Variants in INTS4 observed in about 807,000 individuals in gnomAD.
INTS4 encodes the protein integrator complex subunit 4, also known as MSTP093.
INTS4 carries 70 observed loss-of-function variants against 119.5 expected under a neutral mutation model. That is an observed-to-expected ratio of 0.59 (90% CI 0.48 to 0.71). The LOEUF is 0.71. Among genes scored for constraint, INTS4 ranks in the 30% least tolerant of loss-of-function variants. INTS4 has a pLI of 0.00. For synonymous variants in INTS4, 316 were observed against 419.6 expected (o/e 0.75, Z 3.02); for missense variants, 867 against 1,173.2 (o/e 0.74, Z 3.81).
chr11:77,937,998 C>T (rs77375292), intron 10 of INTS4, among the ~76,000 whole-genome samples: 2 of 151,716 alleles, frequency 1.3e-5, no homozygotes, highest in Non-Finnish European at 2.9e-5. Context: ...CAGGTGTATG[C>T]CACCATACCA....
intron 15 of INTS4, chr11:77,915,376 T>G (rs1211746118): frequency 6.6e-6 from 1 of 152,170 alleles, no homozygotes; most frequent in East Asian, 1.9e-4. Flanking sequence ...GCTATGGGCC[T>G]CTGTGTGGCT....
At chr11:77,925,274 C>A (rs143341702) in intron 11 of INTS4, among the ~76,000 whole-genome samples, 2,154 of 152,300 alleles carry the variant, frequency 0.014, 43 homozygotes, top group African/African-American at 0.048. Context: ...CTTATACAGG[C>A]ACAGTTTGTG....
chr11:77,929,583 T>C (rs1445401490), intron 10 of INTS4, among the ~76,000 whole-genome samples: 2 of 152,236 alleles, frequency 1.3e-5, no homozygotes, highest in African/African-American at 2.4e-5. Context: ...GATTCAGCAA[T>C]GTGGATTCAC....
In INTS4 at chr11:77,917,883, G is replaced by A. The variant is rs2136471851; in HGVS notation, c.1922+938C>T. 5 of 556,382 alleles carry A rather than the reference G, an allele frequency of 9.0e-6. No homozygotes were observed. The East Asian group carries it at 1.2e-4, about 14-fold the overall frequency. 34.5% of individuals were successfully genotyped at this position (556,382 alleles called of 1,614,324 possible). On this transcript the variant is annotated intron_variant, in intron 15 of 22. Transcript: ENST00000534064. ...GTCATCGCATGTAAACCAGGCATTAGTCACCCAGAATAAAGACTGCATGTC... is the reference window on the plus strand; with the variant it reads ...GTCATCGCATGTAAACCAGGCATTAATCACCCAGAATAAAGACTGCATGTC...
At chr11:77,921,316 G>A (rs1256178498) in intron 14 of INTS4, 24 bp downstream of exon 14, 2 of 1,605,176 alleles carry the variant, frequency 1.2e-6, no homozygotes, top group Non-Finnish European at 8.5e-7. Context: ...ATAAAAACAA[G>A]GACAACAGAT....
intron 10 of INTS4, among the ~76,000 whole-genome samples, chr11:77,937,648 G>A (rs1373420875): frequency 6.6e-6 from 1 of 152,060 alleles, no homozygotes; most frequent in African/African-American, 2.4e-5. Context: ...AGAGGCTGAG[G>A]TGGGAGGATT....
intron 18 of INTS4, among the ~76,000 whole-genome samples, chr11:77,898,410 T>C (rs1007766464): frequency 2.0e-5 from 3 of 152,018 alleles, no homozygotes; most frequent in Admixed American, 6.6e-5. Flanking sequence ...GATCCACCTG[T>C]CTTGGACTCC....
chr11:77,989,721 C>T (rs1377144001), intron 2 of INTS4, among the ~76,000 whole-genome samples: 5 of 146,274 alleles, frequency 3.4e-5, no homozygotes, highest in Admixed American at 1.4e-4. Flanking sequence ...AAAGCCCTGT[C>T]TCTACAAAAA....
intron 21 of INTS4, 89 bp from the exon 22 acceptor site, chr11:77,884,041 C>T: frequency 7.5e-7 from 1 of 1,325,996 alleles, no homozygotes; most frequent in Non-Finnish European, 1.0e-6. Context: ...CCTCAAAACA[C>T]AAGAAGAAAC....
chr11:77,937,037 T>A lies in INTS4; in HGVS notation c.1165+1614A>T, dbSNP rs188920174. Among the ~76,000 whole-genome samples the A allele has an allele frequency of 3.3e-5, 5 of 151,130 alleles. No individual in the cohort carries two copies. In the South Asian group the frequency reaches 1.0e-3, roughly 32 times the overall value. On this transcript the variant is annotated intron_variant, in intron 10 of 22. Transcript: ENST00000534064. ...TAAAAATACAGAAATTAGCCGAGAG[T>A]GGTCGCGGGCACCTGCAGTCCCAGC...
Position 77,979,013 on chromosome 11 carries a change from CT to C in INTS4, c.453del (p.Val152LeufsTer8), listed in dbSNP as rs751835192. 1.7e-5 allele frequency: 27 copies of C among 1,608,964 alleles called. No homozygotes were observed. The highest frequency in any genetic ancestry group is 2.6e-6 in the Non-Finnish European group (3 of 1,175,682). On this transcript the variant is annotated frameshift_variant, in exon 4 of 23. Coordinates refer to ENST00000534064, the MANE Select transcript of INTS4 (RefSeq NM_033547.4). LOFTEE classifies it high-confidence loss of function. The part of the protein sequence containing the change: ...LPENQAIQMR[L>X]VDVACKHLTD... ...ACTCTTACCTTGCAGGCCACATCAA[CT>C]AATCGCATTTGGATAGCTTGATTCT...
At chr11:77,954,462 T>C (rs1313920706) in intron 8 of INTS4, among the ~76,000 whole-genome samples, 1 of 152,108 alleles carries the variant, frequency 6.6e-6, no homozygotes, top group Non-Finnish European at 1.5e-5. Context: ...GATAATGGCA[T>C]CTATCCTGCA....
intron 16 of INTS4, among the ~76,000 whole-genome samples, chr11:77,906,485 T>C (rs1464694368): frequency 2.0e-5 from 3 of 152,238 alleles, no homozygotes; most frequent in Non-Finnish European, 2.9e-5. Flanking sequence ...TTCTTCTCCA[T>C]GGCCTCCTTG....
chr11:77,944,828 T>G (rs1417309137), intron 8 of INTS4, among the ~76,000 whole-genome samples: 1 of 152,160 alleles, frequency 6.6e-6, no homozygotes, highest in East Asian at 1.9e-4. Context: ...ATAATACAAA[T>G]AAACTATTCC....
rs557861258 is a variant in INTS4, at chr11:77,900,381, G to C, written c.2228+1040C>G. Among the ~76,000 whole-genome samples the C allele has an allele frequency of 6.9e-4, 105 of 152,218 alleles. 1 individual carries two copies. The highest frequency in any genetic ancestry group is 1.5e-3 in the South Asian group (7 of 4,818). On this transcript the variant is annotated intron_variant, in intron 18 of 22. Coordinates refer to ENST00000534064, the MANE Select transcript of INTS4 (RefSeq NM_033547.4). The stretch of plus-strand genomic sequence containing the variant: ...CCCAAAGTGCTGGGATTACAGGTGT[G>C]AGCCACCACACCCGGCCACATATGA...
chr11:77,940,272 TA>T (rs200743535), intron 9 of INTS4, among the ~76,000 whole-genome samples: 2 of 150,670 alleles, frequency 1.3e-5, no homozygotes, highest in African/African-American at 4.9e-5. Flanking sequence ...CTACTAAAGA[TA>T]AAAAAAAATT....
intron 15 of INTS4, among the ~76,000 whole-genome samples, chr11:77,909,034 T>A (rs1310289692): frequency 6.6e-6 from 1 of 152,220 alleles, no homozygotes; most frequent in Non-Finnish European, 1.5e-5. Flanking sequence ...GTTGACCTTA[T>A]CAGTTCAGTT....
intron 8 of INTS4, among the ~76,000 whole-genome samples, chr11:77,942,100 C>A (rs1953941693): frequency 6.6e-6 from 1 of 152,038 alleles, no homozygotes; most frequent in Non-Finnish European, 1.5e-5. Flanking sequence ...AGCAACCATT[C>A]AATTATATGT....
chr11:77,913,577 T>C (rs575965563), intron 15 of INTS4, among the ~76,000 whole-genome samples: 7 of 152,290 alleles, frequency 4.6e-5, no homozygotes, highest in South Asian at 2.1e-4. Context: ...TCCCAAAGTG[T>C]TGGGATTACA....
Sources: allele counts gnomAD v4.1 joint callset (sites outside exome capture counted in the v4.1 genomes callset), GRCh38; gene constraint gnomAD v4.1.1; transcripts MANE v1.5; gene names NCBI Gene and HGNC (gene_info 2026-07-23, HGNC 2026-07-21).